Variants in SUCO observed in about 807,000 individuals in gnomAD.
SUCO encodes SUN domain containing ossification factor, also known as SUN domain-containing ossification factor.
SUCO carries 57 observed loss-of-function variants against 148.1 expected under a neutral mutation model. That is an observed-to-expected ratio of 0.38 (90% CI 0.31 to 0.48). The LOEUF (loss-of-function observed/expected upper bound fraction) is 0.48, where lower values mean the gene tolerates loss of function less well. SUCO is among the 20% of genes least tolerant of loss of function. SUCO has a pLI of 0.96. For synonymous variants in SUCO, 470 were observed against 502.7 expected (o/e 0.93, Z 0.87); for missense variants, 1,331 against 1,468.2 (o/e 0.91, Z 1.53).
chr1:172,546,657 C>T (rs1229662695), intron 1 of SUCO, among the ~76,000 whole-genome samples: 1 of 152,152 alleles, frequency 6.6e-6, no homozygotes, highest in Non-Finnish European at 1.5e-5. Context: ...ACCTGTAATC[C>T]CAGCACTTTG....
intron 1 of SUCO, among the ~76,000 whole-genome samples, chr1:172,538,101 A>C (rs1012585951): frequency 6.6e-6 from 1 of 152,146 alleles, no homozygotes; most frequent in African/African-American, 2.4e-5. Context: ...AGGATGAGTA[A>C]GTGAAGTGGT....
At chr1:172,559,875 T>G (rs1654018852) in intron 6 of SUCO, among the ~76,000 whole-genome samples, 1 of 152,170 alleles carries the variant, frequency 6.6e-6, no homozygotes, top group South Asian at 2.1e-4. Context: ...GGGACCTGTT[T>G]TAGCTGGTAC....
chr1:172,580,967 T>TG (rs62962761), intron 15 of SUCO, among the ~76,000 whole-genome samples: 152,245 of 152,246 alleles, frequency 1, 76,122 homozygotes, highest in Non-Finnish European at 1. Flanking sequence ...CCAAGCATGG[T>TG]GCGTGCGCCT....
At chr1:172,566,333 T>C (rs960525798) in intron 6 of SUCO, among the ~76,000 whole-genome samples, 1 of 152,250 alleles carries the variant, frequency 6.6e-6, no homozygotes, top group Non-Finnish European at 1.5e-5. Flanking sequence ...CCATCTCTCA[T>C]TGGCTCTTGC....
At chr1:172,591,155 T>C in intron 19 of SUCO, 84 bp downstream of exon 19, 1 of 1,015,106 alleles carries the variant, frequency 9.9e-7, no homozygotes, top group Admixed American at 2.5e-5. Context: ...GTAAGTATTG[T>C]AGTTTCACTT....
In SUCO at chr1:172,573,316, G is replaced by T. The variant is rs574052455; in HGVS notation, c.1050-575G>T. 2.0e-5 allele frequency among the ~76,000 whole-genome samples: 3 copies of T among 151,982 alleles called. 1 individual carries two copies. The highest frequency in any genetic ancestry group is 1.3e-4 in the Admixed American group (2 of 15,262). ...TATGTAAATGAAATGATAGTTTCTG[G>T]TACCAGTTTTAATGGCTGCTTAGTA... On this transcript the variant is annotated intron_variant, in intron 9 of 23. Transcript: ENST00000263688.
At chr1:172,595,566 G>A (rs896706402) in intron 19 of SUCO, among the ~76,000 whole-genome samples, 1 of 152,196 alleles carries the variant, frequency 6.6e-6, no homozygotes, top group Non-Finnish European at 1.5e-5. Flanking sequence ...GAAGTTCTGG[G>A]TTGAAAATTC....
At chr1:172,549,295 C>A (rs1248638283) in intron 1 of SUCO, among the ~76,000 whole-genome samples, 1 of 151,734 alleles carries the variant, frequency 6.6e-6, no homozygotes, top group Non-Finnish European at 1.5e-5. Context: ...AAGTGACAGA[C>A]TCCAGTTTAG....
intron 6 of SUCO, among the ~76,000 whole-genome samples, chr1:172,559,436 A>G (rs1404679699): frequency 2.6e-5 from 4 of 152,212 alleles, no homozygotes; most frequent in Admixed American, 1.3e-4. Flanking sequence ...CAGGACAGGC[A>G]AGCCCCAAAA....
Position 172,557,363 on chromosome 1 carries a change from C to A in SUCO, c.527C>A (p.Ala176Asp). The change falls in exon 5 of 24, where the codon GCC (alanine) becomes GAC (aspartate). Residue 176 changes from alanine (A) to aspartate (D), a missense_variant. Physicochemically the swap from Ala to Asp is moderately radical, Grantham distance 126. Coordinates refer to ENST00000263688, the MANE Select transcript of SUCO (RefSeq NM_014283.5). ...GAAACTGATTGTGATGTTGGTGAGGCCCTTGATGCTAGTGCTCCAATTGAA... is the reference window on the plus strand; with the variant it reads ...GAAACTGATTGTGATGTTGGTGAGGACCTTGATGCTAGTGCTCCAATTGAA... ...QSETDCDVGE[A>D]LDASAPIEQP... The A allele has an allele frequency of 1.2e-6, 2 of 1,613,958 alleles. No individual in the cohort carries two copies. Among genetic ancestry groups the A allele is most frequent in the Non-Finnish European group, 1.7e-6 (2 of 1,179,906 alleles).
intron 9 of SUCO, among the ~76,000 whole-genome samples, chr1:172,572,491 C>T (rs568559203): frequency 4.4e-4 from 67 of 151,872 alleles, no homozygotes; most frequent in Middle Eastern, 3.4e-3. Flanking sequence ...TAAACAGATG[C>T]TTGAAGGCAG....
rs2149242347 is a variant in SUCO, at chr1:172,566,284, T to C, written c.733-2735T>C. Among the ~76,000 whole-genome samples, 5 of 152,384 alleles carry C rather than the reference T, an allele frequency of 3.3e-5. No homozygotes were observed. The Middle Eastern group carries it at 0.017, about 518-fold the overall frequency. On this transcript the variant is annotated intron_variant, in intron 6 of 23. Transcript: ENST00000263688. ...GTCTTGTTTTGTTAACTGCTGTCTC[T>C]CATTGTCCCTTGCTGTTTTCTTGCT...
At chr1:172,545,921 CT>C (rs1209539276) in intron 1 of SUCO, among the ~76,000 whole-genome samples, 2 of 148,024 alleles carry the variant, frequency 1.4e-5, no homozygotes, top group Non-Finnish European at 3.0e-5. Flanking sequence ...TCCTTCCTTC[CT>C]TTCCTTTCCT....
chr1:172,556,931 G>A, intron 4 of SUCO: 1 of 977,968 alleles, frequency 1.0e-6, no homozygotes. Flanking sequence ...TAAAATTTTA[G>A]TGAAATGTCT....
At chr1:172,548,140 T>C (rs1233275652) in intron 1 of SUCO, among the ~76,000 whole-genome samples, 1 of 152,026 alleles carries the variant, frequency 6.6e-6, no homozygotes, top group Non-Finnish European at 1.5e-5. Flanking sequence ...TATCAGTCTA[T>C]TATCAGTTTT....
Position 172,589,793 on chromosome 1 carries a change from G to A in SUCO, c.2692G>A (p.Gly898Arg). The A allele has an allele frequency of 6.2e-7, 1 of 1,612,130 alleles. No homozygotes were observed. The stretch of plus-strand genomic sequence containing the variant: ...TGAATTGCAAAATTCTACAGATCTA[G>A]GATATGCTAATGGAAATCTTGTACA... ...YAELQNSTDLGYANGNLVHGS... is the reference protein window; with the variant it reads ...YAELQNSTDLRYANGNLVHGS... Residue 898 changes from glycine (G) to arginine (R), a missense_variant, in exon 18 of 24, where the codon GGA becomes AGA. Around this residue, in one of 3 missense-constraint regions of SUCO, gnomAD observed 992 missense variants for 1,093.5 expected, o/e 0.91. Coordinates refer to ENST00000263688, the MANE Select transcript of SUCO (RefSeq NM_014283.5).
Position 172,585,842 on chromosome 1 carries a change from A to G in SUCO, c.1568-16A>G. 2 of 1,514,450 alleles carry G rather than the reference A, an allele frequency of 1.3e-6. No homozygotes were observed. The highest frequency in any genetic ancestry group is 1.8e-6 in the Non-Finnish European group (2 of 1,105,682). The allele number at this position is 1,514,450 out of a possible 1,614,324, so 93.8% of individuals were successfully genotyped here. Reference sequence around the variant, plus strand: ...TTTAAAATTGAACTCAACATTGGGCATCTTTCTTAAAATAGGAAATAAAAG... The same window carrying G: ...TTTAAAATTGAACTCAACATTGGGCGTCTTTCTTAAAATAGGAAATAAAAG... On this transcript the variant is annotated splice_polypyrimidine_tract_variant and intron_variant, in intron 16 of 23. Coordinates refer to ENST00000263688, the MANE Select transcript of SUCO (RefSeq NM_014283.5).
At position 172,596,865 on chromosome 1, in the gene SUCO, A is replaced by G. The variant is rs565321354; in HGVS notation, c.2914-3199A>G. On this transcript the variant is annotated intron_variant, in intron 19 of 23. Coordinates refer to ENST00000263688, the MANE Select transcript of SUCO (RefSeq NM_014283.5). ...CAGAAATTTCTGCTGCCTTTTGTTC[A>G]GCTATGCCCTGCCCCCAGAGACGGA... Among the ~76,000 whole-genome samples, 8 of 152,330 alleles carry G rather than the reference A, an allele frequency of 5.3e-5. No homozygotes were observed. In the East Asian group the frequency reaches 1.5e-3, roughly 29 times the overall value.
At chr1:172,550,056 T>C (rs1202780542) in intron 1 of SUCO, among the ~76,000 whole-genome samples, 1 of 151,988 alleles carries the variant, frequency 6.6e-6, no homozygotes, top group Non-Finnish European at 1.5e-5. Flanking sequence ...CTATTCCTTG[T>C]TTACAGCTAT....
Sources: allele counts gnomAD v4.1 joint callset (sites outside exome capture counted in the v4.1 genomes callset), GRCh38; gene constraint gnomAD v4.1.1; regional missense constraint gnomAD v4.1.1; transcripts MANE v1.5; gene names NCBI Gene and HGNC (gene_info 2026-07-23, HGNC 2026-07-21).